The following IGSF10 variants were observed in gnomAD, a reference collection of about 807,000 sequenced individuals.
IGSF10 encodes the protein calvaria mechanical force protein 608.
A neutral mutation model predicts 128.2 loss-of-function variants in IGSF10; 126 were observed. The ratio of observed to expected loss-of-function variants is 0.98; its 90% CI spans 0.85 to 1.14. The LOEUF is 1.14. Among genes scored for constraint, IGSF10 ranks in the 50% most tolerant of loss-of-function variants. The pLI is 0.00. For missense variants in IGSF10, 3,295 were observed against 3,149.8 expected (o/e 1.05, Z -1.10); for synonymous variants, 1,185 against 1,146.2 (o/e 1.03, Z -0.68).
chr3:151,435,233 A>C (rs1010723406), downstream of IGSF10: 1 of 99,942 alleles, frequency 1.0e-5, no homozygotes, highest in Non-Finnish European at 2.0e-5. Flanking sequence ...CTTGAAATCA[A>C]ATGGAGTCAG....
rs762165439 is a variant in IGSF10, at chr3:151,448,300, T to C, written c.1681A>G (p.Ile561Val). 2 of 1,614,222 alleles carry C rather than the reference T, an allele frequency of 1.2e-6. No individual in the cohort carries two copies. Among genetic ancestry groups the C allele is most frequent in the Non-Finnish European group, 1.7e-6 (2 of 1,180,040 alleles). Reference sequence around the variant, plus strand: ...ACCACAGTTATCCTATAGGTGAGAATATCTGCATCATCATAATTGCTGCTT... The same window carrying C: ...ACCACAGTTATCCTATAGGTGAGAACATCTGCATCATCATAATTGCTGCTT... Reference protein sequence around the residue: ...CISSNYDDADILTYRITVVEP... With the variant: ...CISSNYDDADVLTYRITVVEP... The change falls in exon 6 of 8, where the codon ATT becomes GTT. Residue 561 changes from isoleucine to valine, a missense_variant. Transcript: ENST00000282466.
chr3:151,542,341 C>T, the IGSF10 span, among the ~76,000 whole-genome samples: 1 of 152,026 alleles, frequency 6.6e-6, no homozygotes, highest in Non-Finnish European at 1.5e-5. Flanking sequence ...ACGAAAATCT[C>T]CCTTACTTTA....
In IGSF10 at chr3:151,442,545, TAA is replaced by T. The variant is rs1560173818; in HGVS notation, c.5963+437_5963+438del. Among the ~76,000 whole-genome samples, 65 of 94,534 alleles carry T rather than the reference TAA, an allele frequency of 6.9e-4. 1 individual carries two copies. The Middle Eastern group carries it at 0.036, about 52-fold the overall frequency. 62.0% of individuals were successfully genotyped at this position (94,534 alleles called of 152,430 possible). A position where few individuals can be genotyped will look rare whatever the true frequency, so the allele number is the denominator to read the frequency against. The stretch of plus-strand genomic sequence containing the variant: ...CAGGCGCCCGGCCACCATGCCCGGC[TAA>T]TTTTTTTTTTTTTGTACTTTTAGTA... On this transcript the variant is annotated intron_variant, in intron 7 of 7. Transcript: ENST00000282466.
chr3:151,438,029 G>A lies in IGSF10; in HGVS notation c.6532C>T (p.Pro2178Ser), dbSNP rs1051871271. The change falls in exon 8 of 8, where the codon CCT becomes TCT. Residue 2178 changes from proline to serine, a missense_variant. Coordinates refer to ENST00000282466, the MANE Select transcript of IGSF10 (RefSeq NM_178822.5). The part of the protein sequence containing the change: ...DPKPKIFWLL[P>S]SNDMISFSID... ...GAGAAGGAAATCATGTCATTGGAAG[G>A]CAGCAACCAAAATATTTTTGGTTTG... 3 of 1,614,068 alleles carry A rather than the reference G, an allele frequency of 1.9e-6. No individual in the cohort carries two copies. Among genetic ancestry groups the A allele is most frequent in the African/African-American group, 1.3e-5 (1 of 74,924 alleles).
the IGSF10 span, among the ~76,000 whole-genome samples, chr3:151,523,448 T>C: frequency 1.3e-5 from 2 of 152,074 alleles, no homozygotes; most frequent in African/African-American, 2.4e-5. Flanking sequence ...CGAAACAGCA[T>C]AGTACTGGTA....
chr3:151,538,564 AG>A, the IGSF10 span, among the ~76,000 whole-genome samples: 2,729 of 152,294 alleles, frequency 0.018, 47 homozygotes, highest in East Asian at 0.062. Flanking sequence ...AGTGAGAAAA[AG>A]GGTATCTAGT....
chr3:151,499,927 G>T, the IGSF10 span: 1 of 151,742 alleles, frequency 6.6e-6, no homozygotes, highest in Non-Finnish European at 1.5e-5. Context: ...TGGTGTTTTA[G>T]ATTTTGGTTG....
At chr3:151,598,824 G>C in the IGSF10 span, among the ~76,000 whole-genome samples, 1 of 152,166 alleles carries the variant, frequency 6.6e-6, no homozygotes. Context: ...GGTATCTAGT[G>C]AGTGGGTGAT....
At chr3:151,463,531 T>TTTGG (rs1560185464), upstream of IGSF10, among the ~76,000 whole-genome samples, 1 of 61,734 alleles carries the variant, frequency 1.6e-5, no homozygotes, top group African/African-American at 7.8e-5. Flanking sequence ...TGGTTTTTTT[T>TTTGG]TTTTTTTTTT....
the IGSF10 span, among the ~76,000 whole-genome samples, chr3:151,495,530 G>C: frequency 6.2e-4 from 94 of 151,936 alleles, no homozygotes; most frequent in Non-Finnish European, 7.9e-4. Flanking sequence ...TAGAGATAAA[G>C]TGAAAAAAAT....
At chr3:151,490,835 A>C in the IGSF10 span, among the ~76,000 whole-genome samples, 1 of 152,166 alleles carries the variant, frequency 6.6e-6, no homozygotes, top group Non-Finnish European at 1.5e-5. Flanking sequence ...GCAAATGGCA[A>C]TGGAAACACA....
At position 151,446,395 on chromosome 3, in the gene IGSF10, T is replaced by C. The variant is rs1228548063; in HGVS notation, c.3586A>G (p.Thr1196Ala). Residue 1196 changes from threonine to alanine, a missense_variant, in exon 6 of 8, where the codon ACA becomes GCA. By Grantham distance (58) the Thr-to-Ala change is moderately conservative. Transcript: ENST00000282466. ...TKPPMTIIAI[T>A]RFSRRKIPWQ... ...GGAATTTTCCTTCTTGAAAACCTTG[T>C]AATGGCTATAATAGTCATTGGTGGC... The C allele has an allele frequency of 4.3e-6, 7 of 1,613,336 alleles. No individual in the cohort carries two copies. The Admixed American group carries it at 1.2e-4, about 27-fold the overall frequency.
rs369152972 is a variant in IGSF10, at chr3:151,446,966, C to T, written c.3015G>A (p.Pro1005=). Reference sequence around the variant, plus strand: ...TCTGCCTCCCAAAGCGTCTGAACAGCGGGATGTTAACTGTACTATTTCTAG... The same window carrying T: ...TCTGCCTCCCAAAGCGTCTGAACAGTGGGATGTTAACTGTACTATTTCTAG... ...PIPRNSTVNI[P]LFRRFGRQRK... is the part of the protein sequence containing the mutation. Residue 1005 remains proline (P), a synonymous_variant, in exon 6 of 8, where the codon CCG becomes CCA. Transcript: ENST00000282466. 58 of 1,614,018 alleles carry T rather than the reference C, an allele frequency of 3.6e-5. No individual in the cohort carries two copies. Among genetic ancestry groups the T allele is most frequent in the African/African-American group, 1.6e-4 (12 of 74,902 alleles).
At chr3:151,580,237 A>G in the IGSF10 span, among the ~76,000 whole-genome samples, 1 of 152,114 alleles carries the variant, frequency 6.6e-6, no homozygotes, top group African/African-American at 2.4e-5. Flanking sequence ...ATGCCCAGTT[A>G]ATATACTACT....
upstream of IGSF10, chr3:151,461,371 T>C (rs1722054999): frequency 1.0e-6 from 1 of 985,348 alleles, no homozygotes; most frequent in African/African-American, 1.7e-5. Context: ...CTGTCCTTGG[T>C]CCTGTGGCTC....
chr3:151,432,639 A>T (rs1286940232), downstream of IGSF10: 9 of 770,678 alleles, frequency 1.2e-5, no homozygotes, highest in Non-Finnish European at 1.8e-5. Context: ...CTCTCCGGCC[A>T]TTCTGTTTCC....
chr3:151,585,893 A>G, the IGSF10 span, among the ~76,000 whole-genome samples: 3 of 152,226 alleles, frequency 2.0e-5, no homozygotes, highest in African/African-American at 7.2e-5. Context: ...AAGGCAATTC[A>G]GAATTACAAG....
At chr3:151,544,966 C>T in the IGSF10 span, among the ~76,000 whole-genome samples, 10 of 151,998 alleles carry the variant, frequency 6.6e-5, no homozygotes, top group Non-Finnish European at 1.3e-4. Context: ...CTCTTGGTTT[C>T]TGAGACATTT....
chr3:151,461,675 C>A (rs1394615479), upstream of IGSF10, among the ~76,000 whole-genome samples: 3 of 152,162 alleles, frequency 2.0e-5, no homozygotes, highest in Non-Finnish European at 4.4e-5. Context: ...TCCTCTTGCA[C>A]ATTAGATCTA....
Sources: allele counts gnomAD v4.1 joint callset (sites outside exome capture counted in the v4.1 genomes callset), GRCh38; gene constraint gnomAD v4.1.1; transcripts MANE v1.5; gene names NCBI Gene and HGNC (gene_info 2026-07-23, HGNC 2026-07-21).